Variants in GSE1 observed in about 807,000 individuals in gnomAD.
GSE1 encodes the protein Gse1 coiled-coil protein.
A neutral mutation model predicts 112.6 loss-of-function variants in GSE1; 32 were observed. That is an observed-to-expected ratio of 0.28 (90% CI 0.21 to 0.38). The LOEUF (loss-of-function observed/expected upper bound fraction) is 0.38. Among genes scored for constraint, GSE1 ranks in the 10% least tolerant of loss-of-function variants. The pLI, the probability that GSE1 is intolerant of heterozygous loss-of-function variation, is 1.00. For missense variants in GSE1, 2,348 were observed against 1,699.2 expected, an observed-to-expected ratio of 1.38 and a Z score of -6.71; for synonymous variants, 1,115 against 735.6, an observed-to-expected ratio of 1.52 and a Z score of -8.35.
chr16:85,262,457 G>A (rs966534676), intron 1 of GSE1, among the ~76,000 whole-genome samples: 4 of 152,198 alleles, frequency 2.6e-5, no homozygotes, highest in African/African-American at 7.2e-5. Context: ...AGGCATCATC[G>A]TCACGGCCCT....
At chr16:85,612,787 A>G (rs1224985358), upstream of GSE1, among the ~76,000 whole-genome samples, 1 of 152,100 alleles carries the variant, frequency 6.6e-6, no homozygotes, top group Admixed American at 6.5e-5. Flanking sequence ...TTGTTCTCCA[A>G]AAGGCCTCCA....
At chr16:85,511,308 C>A (rs1318683188) in intron 2 of GSE1, among the ~76,000 whole-genome samples, 1 of 152,204 alleles carries the variant, frequency 6.6e-6, no homozygotes, top group Non-Finnish European at 1.5e-5. Flanking sequence ...GGGTGGATCA[C>A]CTGAGATCAG....
chr16:85,218,809 A>G (rs1258440070), intron 1 of GSE1, among the ~76,000 whole-genome samples: 4 of 152,206 alleles, frequency 2.6e-5, no homozygotes, highest in Non-Finnish European at 4.4e-5. Context: ...CACCCTTTGC[A>G]TATTTTTTAT....
intron 2 of GSE1, among the ~76,000 whole-genome samples, chr16:85,390,008 G>A (rs746070061): frequency 2.6e-5 from 4 of 152,284 alleles, no homozygotes; most frequent in Middle Eastern, 3.4e-3. Context: ...CAGAGAAAGC[G>A]AAGAAAGCAC....
At chr16:85,258,145 C>G (rs1907278631) in intron 1 of GSE1, among the ~76,000 whole-genome samples, 1 of 152,196 alleles carries the variant, frequency 6.6e-6, no homozygotes, top group Non-Finnish European at 1.5e-5. Context: ...ACCTAGAAGG[C>G]CAGCAGGCAG....
At chr16:85,624,377 T>C (rs74859429) in intron 1 of GSE1, among the ~76,000 whole-genome samples, 6,732 of 152,258 alleles carry the variant, frequency 0.044, 325 homozygotes, top group African/African-American at 0.13. Context: ...TTCCGGCCTC[T>C]AGCACAGGTG....
chr16:85,527,197 G>A (rs1465963728), intron 2 of GSE1, among the ~76,000 whole-genome samples: 1 of 152,230 alleles, frequency 6.6e-6, no homozygotes, highest in Non-Finnish European at 1.5e-5. Context: ...GTGAGGAACC[G>A]CTGCCTGGGC....
intron 1 of GSE1, among the ~76,000 whole-genome samples, chr16:85,297,594 G>T (rs939183056): frequency 6.6e-6 from 1 of 152,110 alleles, no homozygotes; most frequent in Non-Finnish European, 1.5e-5. Context: ...CCACCTCTCA[G>T]GCTCATGTGA....
At chr16:85,465,193 G>A (rs546663507) in intron 2 of GSE1, among the ~76,000 whole-genome samples, 10 of 152,336 alleles carry the variant, frequency 6.6e-5, no homozygotes, top group Admixed American at 2.0e-4. Context: ...TGCATGCAGC[G>A]GTTGGGTGGG....
intron 2 of GSE1, among the ~76,000 whole-genome samples, chr16:85,379,491 C>G (rs2047498318): frequency 6.6e-6 from 1 of 152,206 alleles, no homozygotes; most frequent in African/African-American, 2.4e-5. Context: ...CTCCCTGGAA[C>G]ATAGTAGGTG....
At chr16:85,658,757 C>G (rs575826105) in intron 8 of GSE1, among the ~76,000 whole-genome samples, 4 of 152,328 alleles carry the variant, frequency 2.6e-5, no homozygotes, top group African/African-American at 9.6e-5. Flanking sequence ...CCAGCTCCTA[C>G]CTGGCATGGC....
At chr16:85,468,139 G>C (rs2151838950) in intron 2 of GSE1, among the ~76,000 whole-genome samples, 1 of 151,890 alleles carries the variant, frequency 6.6e-6, no homozygotes, top group South Asian at 2.1e-4. Context: ...CCCACCTTTT[G>C]GGTCTCAGGT....
Position 85,476,304 on chromosome 16 carries a change from G to A in GSE1, c.2464+118661G>A, listed in dbSNP as rs147396028. Reference sequence around the variant, plus strand: ...ACCTGGGATGGCGCTCAGTGGAATCGGGTGGGAGTTCCTGTGGCAACTTGC... The same window carrying A: ...ACCTGGGATGGCGCTCAGTGGAATCAGGTGGGAGTTCCTGTGGCAACTTGC... On this transcript the variant is annotated intron_variant, in intron 2 of 2. Transcript: ENST00000637419. Among the ~76,000 whole-genome samples, 61 of 152,280 alleles carry A rather than the reference G, an allele frequency of 4.0e-4. No individual in the cohort carries two copies. In the East Asian group the frequency reaches 0.011, roughly 27 times the overall value.
In GSE1 at chr16:85,439,558, A is replaced by C. The variant is rs28464120; in HGVS notation, c.2464+81915A>C. ...GTCACACACACACACACACACACAC[A>C]CCCCAGGCGTCACACTGAGGTGCTT... On this transcript the variant is annotated intron_variant, in intron 2 of 2. Coordinates refer to the GSE1 transcript ENST00000637419. 6.9e-3 allele frequency among the ~76,000 whole-genome samples: 1,008 copies of C among 145,394 alleles called. 11 individuals carry two copies. Among genetic ancestry groups the C allele is most frequent in the African/African-American group, 0.023 (934 of 40,466 alleles).
At chr16:85,228,263 G>T (rs1056995795) in intron 1 of GSE1, among the ~76,000 whole-genome samples, 1 of 152,258 alleles carries the variant, frequency 6.6e-6, no homozygotes, top group Non-Finnish European at 1.5e-5. Flanking sequence ...AGGGCTTTGC[G>T]ACGGGTTTGT....
At chr16:85,515,339 C>T (rs1181914609) in intron 2 of GSE1, among the ~76,000 whole-genome samples, 1 of 152,236 alleles carries the variant, frequency 6.6e-6, no homozygotes, top group African/African-American at 2.4e-5. Flanking sequence ...TGAGGCTCCT[C>T]CTGCCAGCCT....
intron 1 of GSE1, among the ~76,000 whole-genome samples, chr16:85,175,038 C>T (rs928303242): frequency 1.6e-5 from 2 of 127,558 alleles, no homozygotes; most frequent in East Asian, 2.2e-4. Context: ...CTGCTGCTTC[C>T]TGTGACTCCT....
At chr16:85,312,187 T>C (rs1465077279) in intron 1 of GSE1, among the ~76,000 whole-genome samples, 1 of 138,090 alleles carries the variant, frequency 7.2e-6, no homozygotes, top group Non-Finnish European at 1.5e-5. Flanking sequence ...CCCTCTGTGG[T>C]CTCTCTGATC....
chr16:85,662,789 T>C (rs2052539085), intron 9 of GSE1, 192 bp from the exon 10 acceptor site: 1 of 564,062 alleles, frequency 1.8e-6, no homozygotes, highest in South Asian at 2.2e-5. Context: ...GCCTGGTGTC[T>C]GCGGTCCTGC....
Sources: gnomAD v4.1 joint callset for allele counts (sites outside exome capture counted in the v4.1 genomes callset) on GRCh38, gnomAD v4.1.1 for gene constraint, MANE v1.5 for transcripts, NCBI Gene and HGNC (gene_info 2026-07-23, HGNC 2026-07-21) for gene names.